DCHS2: variants seen among roughly 807,000 people sequenced by gnomAD.
DCHS2 encodes the protein protocadherin-23.
In DCHS2, 142 loss-of-function variants were observed where a neutral mutation model predicts 182.4. The ratio of observed to expected loss-of-function variants is 0.78; its 90% CI spans 0.68 to 0.89. DCHS2 has a LOEUF of 0.89. DCHS2 is among the 40% of genes least tolerant of loss of function. DCHS2 has a pLI of 0.00. For missense variants in DCHS2, 4,319 were observed against 4,198.6 expected, an observed-to-expected ratio of 1.03 and a Z score of -0.79; for synonymous variants, 1,740 against 1,663.3, an observed-to-expected ratio of 1.05 and a Z score of -1.12.
rs542819641 is a variant in DCHS2 at position 154,397,468 on chromosome 4, A to G, written c.2053-20024T>C. On this transcript the variant is annotated intron_variant, in intron 1 of 19. Transcript: ENST00000357232. The stretch of plus-strand genomic sequence containing the variant: ...AGGATATGGGCTCAATTTAAGTAAA[A>G]TATTGCATCATATTAAATAAAAAAG... Among the ~76,000 whole-genome samples the G allele has an allele frequency of 6.8e-4, 103 of 152,196 alleles. 2 individuals carry two copies. The highest frequency in any genetic ancestry group is 2.9e-3 in the Admixed American group (45 of 15,270).
At chr4:154,365,329 C>T (rs1730299257) in intron 3 of DCHS2, among the ~76,000 whole-genome samples, 1 of 152,146 alleles carries the variant, frequency 6.6e-6, no homozygotes, top group African/African-American at 2.4e-5. Context: ...CAGTCACCCT[C>T]GAGTCACCCT....
At chr4:154,466,872 T>C (rs1265266161) in intron 1 of DCHS2, among the ~76,000 whole-genome samples, 1 of 152,226 alleles carries the variant, frequency 6.6e-6, no homozygotes, top group African/African-American at 2.4e-5. Context: ...AACTAGATTT[T>C]ACTCTAATTC....
At chr4:154,283,984 T>A (rs959083242) in intron 13 of DCHS2, among the ~76,000 whole-genome samples, 3 of 152,224 alleles carry the variant, frequency 2.0e-5, no homozygotes, top group African/African-American at 7.2e-5. Context: ...AATTTTTCTA[T>A]GTGAGTAATT....
rs550764664 is a variant in DCHS2 at position 154,275,427 on chromosome 4, A to T, written c.6464-5414T>A. 6.6e-5 allele frequency among the ~76,000 whole-genome samples: 10 copies of T among 152,246 alleles called. No individual in the cohort carries two copies. In the East Asian group the frequency reaches 1.9e-3, roughly 29 times the overall value. The stretch of plus-strand genomic sequence containing the variant: ...AAGTCATTTAGTGACAAAGTAATGG[A>T]TTATAATCAATCATGGTGGAATCAA... On this transcript the variant is annotated intron_variant, in intron 13 of 19. Coordinates refer to ENST00000357232, the MANE Select transcript of DCHS2 (RefSeq NM_001358235.2).
chr4:154,324,913 CATT>C (rs1204811630), intron 7 of DCHS2, among the ~76,000 whole-genome samples: 1 of 152,116 alleles, frequency 6.6e-6, no homozygotes, highest in East Asian at 1.9e-4. Flanking sequence ...ATTTTCATCT[CATT>C]ATTTTACCAT....
At chr4:154,461,411 T>C (rs1735004303) in intron 1 of DCHS2, among the ~76,000 whole-genome samples, 1 of 152,204 alleles carries the variant, frequency 6.6e-6, no homozygotes, top group Non-Finnish European at 1.5e-5. Flanking sequence ...CTCTACTTTG[T>C]ATCTCAGGAC....
chr4:154,442,911 CT>C (rs910960490), intron 1 of DCHS2, among the ~76,000 whole-genome samples: 26 of 152,194 alleles, frequency 1.7e-4, no homozygotes, highest in African/African-American at 5.8e-4. Context: ...CAAAAAACTC[CT>C]GTCTCCCAGT....
In DCHS2 at chr4:154,257,320, A is replaced by G. The variant is rs150411594; in HGVS notation, c.6790-1650T>C. Among the ~76,000 whole-genome samples, 238 of 152,288 alleles carry G rather than the reference A, an allele frequency of 1.6e-3. 2 individuals carry two copies. The highest frequency in any genetic ancestry group is 5.0e-3 in the African/African-American group (208 of 41,564). ...GGTTCTAGGGTACCGGCACATCTTA[A>G]CTAGTGCTAACCCAACCGGGGAGAG... On this transcript the variant is annotated intron_variant, in intron 15 of 19. Coordinates refer to ENST00000357232, the MANE Select transcript of DCHS2 (RefSeq NM_001358235.2).
chr4:154,463,814 T>C (rs1431513768), intron 1 of DCHS2, among the ~76,000 whole-genome samples: 1 of 152,000 alleles, frequency 6.6e-6, no homozygotes, highest in Non-Finnish European at 1.5e-5. Flanking sequence ...TCTATATACA[T>C]CAGCATAGAG....
chr4:154,343,168 T>C (rs1465218095), intron 3 of DCHS2, among the ~76,000 whole-genome samples: 1 of 152,142 alleles, frequency 6.6e-6, no homozygotes, highest in African/African-American at 2.4e-5. Flanking sequence ...AGACAGATGA[T>C]ATCTGTAAAC....
At chr4:154,287,269 CA>C (rs1190787921) in intron 13 of DCHS2, among the ~76,000 whole-genome samples, 2 of 151,998 alleles carry the variant, frequency 1.3e-5, no homozygotes, top group Non-Finnish European at 2.9e-5. Context: ...TCTTAAGGTA[CA>C]AAACTCACTG....
rs919189368 is a variant in DCHS2 at position 154,429,725 on chromosome 4, T to C, written c.2053-52281A>G. On this transcript the variant is annotated intron_variant, in intron 1 of 19. Transcript: ENST00000357232. ...TTCTATTAGATATGGTCTGTTTCCA[T>C]TGTCATATAATTTCAAAATTTCAAA... 3.3e-5 allele frequency among the ~76,000 whole-genome samples: 5 copies of C among 152,150 alleles called. No individual in the cohort carries two copies. The South Asian group carries it at 6.2e-4, about 19-fold the overall frequency.
rs547425017 is a variant in DCHS2 at position 154,349,312 on chromosome 4, G to A, written c.2477-14208C>T. Among the ~76,000 whole-genome samples, 33 of 152,238 alleles carry A rather than the reference G, an allele frequency of 2.2e-4. 1 individual carries two copies. The highest frequency in any genetic ancestry group is 7.7e-4 in the African/African-American group (32 of 41,554). The stretch of plus-strand genomic sequence containing the variant: ...CCAGCTAAAATTGGCTCATTTGGGG[G>A]TTTGGCTATTTATTATCCCTCTCTC... On this transcript the variant is annotated intron_variant, in intron 3 of 19. Transcript: ENST00000357232.
chr4:154,352,770 A>C (rs1729680460), intron 3 of DCHS2, among the ~76,000 whole-genome samples: 1 of 152,224 alleles, frequency 6.6e-6, no homozygotes, highest in Non-Finnish European at 1.5e-5. Context: ...GAGAATAAGC[A>C]GCATACTGAA....
At chr4:154,403,657 A>G (rs1337975417) in intron 1 of DCHS2, among the ~76,000 whole-genome samples, 1 of 152,160 alleles carries the variant, frequency 6.6e-6, no homozygotes, top group Non-Finnish European at 1.5e-5. Context: ...CTGGCCTTAT[A>G]ACATGAGTTG....
intron 1 of DCHS2, among the ~76,000 whole-genome samples, chr4:154,416,342 C>G (rs978803476): frequency 2.0e-5 from 3 of 152,218 alleles, no homozygotes; most frequent in African/African-American, 7.2e-5. Context: ...GACCTCACAG[C>G]GCCCCCACCT....
intron 3 of DCHS2, 142 bp downstream of exon 3, chr4:154,366,068 T>C (rs1180757602): frequency 1.1e-5 from 7 of 644,246 alleles, no homozygotes; most frequent in Non-Finnish European, 1.9e-5. Context: ...TTCAATATAC[T>C]TCAGCATCTG....
intron 1 of DCHS2, among the ~76,000 whole-genome samples, chr4:154,428,746 CA>C: frequency 6.7e-6 from 1 of 149,844 alleles, no homozygotes; most frequent in East Asian, 2.0e-4. Context: ...ACTAAAAATA[CA>C]AAAAAAATAG....
rs767291463 is a variant in DCHS2 at position 154,328,209 on chromosome 4, C to T, written c.3919-17G>A. The T allele has an allele frequency of 6.3e-7, 1 of 1,595,130 alleles. No individual in the cohort carries two copies. The highest frequency in any genetic ancestry group is 1.7e-5 in the Admixed American group (1 of 57,688). The stretch of plus-strand genomic sequence containing the variant: ...TTCCAGAACCTGCCATTAAAACAAA[C>T]AGCTTACAAATGAGTCAGCAAAAGT... On this transcript the variant is annotated splice_polypyrimidine_tract_variant and intron_variant, in intron 6 of 19. Transcript: ENST00000357232.
Sources: gnomAD v4.1 joint callset for allele counts (sites outside exome capture counted in the v4.1 genomes callset) on GRCh38, gnomAD v4.1.1 for gene constraint, MANE v1.5 for transcripts, NCBI Gene and HGNC (gene_info 2026-07-23, HGNC 2026-07-21) for gene names.